EYS: variants seen among roughly 807,000 people sequenced by gnomAD.
EYS encodes the protein protein eyes shut homolog.
A neutral mutation model predicts 282.1 loss-of-function variants in EYS; 250 were observed. The ratio of observed to expected loss-of-function variants is 0.89; its 90% CI spans 0.80 to 0.98. The LOEUF (loss-of-function observed/expected upper bound fraction) is 0.98. EYS is among the 50% of genes least tolerant of loss of function. The pLI, the probability that EYS is intolerant of heterozygous loss-of-function variation, is 0.00. For missense variants in EYS, 4,016 were observed against 3,709.0 expected, an observed-to-expected ratio of 1.08 and a Z score of -2.15; for synonymous variants, 1,355 against 1,282.9, an observed-to-expected ratio of 1.06 and a Z score of -1.20.
chr6:63,953,836 C>T (rs1051201114), intron 35 of EYS, among the ~76,000 whole-genome samples: 1 of 152,134 alleles, frequency 6.6e-6, no homozygotes, highest in African/African-American at 2.4e-5. Context: ...GGGACCATGC[C>T]CTGTAGCCTT....
intron 31 of EYS, among the ~76,000 whole-genome samples, chr6:64,092,708 G>C (rs1648922926): frequency 6.6e-6 from 1 of 151,752 alleles, no homozygotes; most frequent in Admixed American, 6.6e-5. Context: ...TAGGTTGCCT[G>C]TTCACTCTGA....
chr6:64,759,097 C>A (rs975851190), intron 22 of EYS, among the ~76,000 whole-genome samples: 19 of 152,108 alleles, frequency 1.2e-4, no homozygotes, highest in African/African-American at 4.6e-4. Context: ...AGAGATCACT[C>A]CACTGCACTC....
chr6:63,796,691 A>T (rs1582216073), intron 37 of EYS, among the ~76,000 whole-genome samples: 1 of 152,336 alleles, frequency 6.6e-6, no homozygotes, highest in East Asian at 1.9e-4. Context: ...GTACAAGGAC[A>T]TGAGCGTGTA....
chr6:64,293,758 T>G (rs909955606), intron 30 of EYS, among the ~76,000 whole-genome samples: 2 of 152,056 alleles, frequency 1.3e-5, no homozygotes, highest in African/African-American at 4.8e-5. Context: ...CTATTCCATT[T>G]TATTTATTAC....
chr6:65,652,798 G>A (rs2149820181), intron 1 of EYS, among the ~76,000 whole-genome samples: 1 of 152,074 alleles, frequency 6.6e-6, no homozygotes, highest in East Asian at 1.9e-4. Flanking sequence ...ATATCAACAT[G>A]AGCTTAGTTT....
intron 13 of EYS, among the ~76,000 whole-genome samples, chr6:65,045,811 G>T (rs1201942552): frequency 6.6e-6 from 1 of 151,848 alleles, no homozygotes; most frequent in Non-Finnish European, 1.5e-5. Context: ...GAATGGCTAG[G>T]GATGTAGCTG....
intron 22 of EYS, among the ~76,000 whole-genome samples, chr6:64,630,044 C>T (rs1181083587): frequency 6.6e-6 from 1 of 151,864 alleles, no homozygotes; most frequent in African/African-American, 2.4e-5. Flanking sequence ...TAAAATGTAG[C>T]CTTTATTAGG....
chr6:64,968,109 G>C (rs543397353), intron 14 of EYS, among the ~76,000 whole-genome samples: 2 of 152,098 alleles, frequency 1.3e-5, no homozygotes, highest in African/African-American at 4.8e-5. Context: ...CAAGATTACA[G>C]CCATATATAA....
intron 39 of EYS, among the ~76,000 whole-genome samples, chr6:63,781,679 A>G (rs142957990): frequency 1.3e-5 from 2 of 152,326 alleles, no homozygotes; most frequent in African/African-American, 2.4e-5. Flanking sequence ...TAAATATACA[A>G]TCATGTCATC....
chr6:65,058,283 T>C (rs1248793929), intron 12 of EYS, among the ~76,000 whole-genome samples: 2 of 152,058 alleles, frequency 1.3e-5, no homozygotes, highest in African/African-American at 2.4e-5. Flanking sequence ...CCTGAGTAGC[T>C]GGAATTACAG....
chr6:65,440,610 G>A (rs148363035), intron 5 of EYS, among the ~76,000 whole-genome samples: 21 of 151,316 alleles, frequency 1.4e-4, no homozygotes, highest in African/African-American at 5.1e-4. Context: ...TCTTTAATGA[G>A]TCTTCCCCAC....
At chr6:65,096,884 A>C (rs1349144540) in intron 12 of EYS, among the ~76,000 whole-genome samples, 3 of 151,076 alleles carry the variant, frequency 2.0e-5, no homozygotes, top group African/African-American at 7.3e-5. Flanking sequence ...AGTTCTTGAA[A>C]CTTTAAAACT....
chr6:65,284,766 T>G lies in EYS; in HGVS notation c.2023+11097A>C, dbSNP rs182990541. The stretch of plus-strand genomic sequence containing the variant: ...GGTTGTTAACAGATGAATGGATGGA[T>G]GAATCCATAATACATAACTTTGTTG... On this transcript the variant is annotated intron_variant, in intron 12 of 42. Transcript: ENST00000503581. 2.7e-4 allele frequency among the ~76,000 whole-genome samples: 41 copies of G among 152,226 alleles called. No homozygotes were observed. In the East Asian group the frequency reaches 3.7e-3, roughly 14 times the overall value.
At chr6:63,797,352 T>A (rs1361785008) in intron 37 of EYS, 1 of 152,136 alleles carries the variant, frequency 6.6e-6, no homozygotes, top group Non-Finnish European at 1.5e-5. Context: ...GGTCGATACG[T>A]GAGAAACAAG....
At chr6:65,445,894 A>G (rs2150397815) in intron 5 of EYS, among the ~76,000 whole-genome samples, 1 of 151,912 alleles carries the variant, frequency 6.6e-6, no homozygotes, top group South Asian at 2.1e-4. Context: ...ATGATATATA[A>G]TTTTCCACAT....
rs1266838604 is a variant in EYS, at chr6:65,447,306, C to CTG, written c.863-41941_863-41940dup. On this transcript the variant is annotated intron_variant, in intron 5 of 42. Transcript: ENST00000503581. ...AACCTGACTCTCTTTCTTTCTCTCTCTGTGTGTGTGTATATATATGTGTGT... is the reference window on the plus strand; with the variant it reads ...AACCTGACTCTCTTTCTTTCTCTCTCTGTGTGTGTGTGTATATATATGTGTGT... Among the ~76,000 whole-genome samples, 193 of 139,680 alleles carry CTG rather than the reference C, an allele frequency of 1.4e-3. 1 individual carries two copies. Among genetic ancestry groups the CTG allele is most frequent in the Middle Eastern group, 3.8e-3 (1 of 266 alleles). 91.6% of individuals were successfully genotyped at this position (139,680 alleles called of 152,430 possible).
chr6:64,367,065 C>T (rs867051207), intron 29 of EYS, among the ~76,000 whole-genome samples: 1 of 152,100 alleles, frequency 6.6e-6, no homozygotes, highest in African/African-American at 2.4e-5. Context: ...GAACAATGGT[C>T]GAATCCCAAG....
rs556282868 is a variant in EYS, at chr6:64,460,138, A to G, written c.5645-20786T>C. Among the ~76,000 whole-genome samples the G allele has an allele frequency of 2.6e-5, 4 of 152,292 alleles. No homozygotes were observed. In the South Asian group the frequency reaches 8.3e-4, roughly 32 times the overall value. On this transcript the variant is annotated intron_variant, in intron 26 of 42. Transcript: ENST00000503581. ...TTCTAATTAGAAGATTGGTGATGAC[A>G]AAATATTTTTTAAAAATATATTGAA...
chr6:64,735,414 C>T (rs1186377105), intron 22 of EYS, among the ~76,000 whole-genome samples: 1 of 152,146 alleles, frequency 6.6e-6, no homozygotes, highest in African/African-American at 2.4e-5. Context: ...GCCTCCTGTG[C>T]ACTATCTTAT....
Sources: gnomAD v4.1 joint callset for allele counts (sites outside exome capture counted in the v4.1 genomes callset) on GRCh38, gnomAD v4.1.1 for gene constraint, MANE v1.5 for transcripts, NCBI Gene and HGNC (gene_info 2026-07-23, HGNC 2026-07-21) for gene names.